DCDC2: variants seen among roughly 807,000 people sequenced by gnomAD.
DCDC2 encodes doublecortin domain-containing protein 2.
In DCDC2, 40 loss-of-function variants were observed where a neutral mutation model predicts 50.2. That is an observed-to-expected ratio of 0.80 (90% confidence interval 0.62 to 1.04). The LOEUF is 1.04. DCDC2 is among the 50% of genes least tolerant of loss of function. DCDC2 has a pLI of 0.00. For synonymous variants in DCDC2, 234 were observed against 210.6 expected (o/e 1.11, Z -0.96); for missense variants, 570 against 581.9 (o/e 0.98, Z 0.21).
chr6:24,380,949 G>C, the DCDC2 span, among the ~76,000 whole-genome samples: 1 of 152,158 alleles, frequency 6.6e-6, no homozygotes, highest in South Asian at 2.1e-4. Context: ...CAGGTGTGGT[G>C]GTGTGGGCCT....
upstream of DCDC2, among the ~76,000 whole-genome samples, chr6:24,359,478 T>TA (rs1305546421): frequency 7.8e-3 from 49 of 6,282 alleles, 1 homozygote; most frequent in South Asian, 0.028. Flanking sequence ...ATAATATATA[T>TA]TTTATATATA....
chr6:24,201,443 T>C (rs928768924), intron 8 of DCDC2, among the ~76,000 whole-genome samples: 1 of 152,038 alleles, frequency 6.6e-6, no homozygotes, highest in African/African-American at 2.4e-5. Context: ...AAATAAGCAA[T>C]TTGAAACCAA....
At chr6:24,288,391 T>C (rs1471835224) in intron 6 of DCDC2, among the ~76,000 whole-genome samples, 1 of 152,194 alleles carries the variant, frequency 6.6e-6, no homozygotes, top group Non-Finnish European at 1.5e-5. Flanking sequence ...TAACAAACCA[T>C]GAATAAATGA....
At chr6:24,273,364 C>A (rs1202237520) in intron 7 of DCDC2, among the ~76,000 whole-genome samples, 1 of 152,092 alleles carries the variant, frequency 6.6e-6, no homozygotes, top group Admixed American at 6.5e-5. Context: ...ACACTAAAAG[C>A]CTGGACTTCA....
chr6:24,288,646 A>G (rs1156994647), intron 6 of DCDC2, among the ~76,000 whole-genome samples: 2 of 152,214 alleles, frequency 1.3e-5, no homozygotes, highest in Non-Finnish European at 2.9e-5. Flanking sequence ...CAAGGAAAAA[A>G]TTTTAAAATA....
intron 7 of DCDC2, among the ~76,000 whole-genome samples, chr6:24,246,197 A>C (rs1762667236): frequency 6.6e-6 from 1 of 152,148 alleles, no homozygotes; most frequent in Admixed American, 6.5e-5. Flanking sequence ...ACAAATAAAC[A>C]TGAGAGATCA....
intron 7 of DCDC2, among the ~76,000 whole-genome samples, chr6:24,220,891 T>TGAGCGAGCGAGAGAGTGAGC (rs1762094902): frequency 2.0e-5 from 2 of 98,970 alleles, no homozygotes; most frequent in Non-Finnish European, 4.4e-5. Context: ...AGCGAGAGAG[T>TGAGCGAGCGAGAGAGTGAGC]GAGCGAGCGA....
chr6:24,370,015 G>A, the DCDC2 span, among the ~76,000 whole-genome samples: 1 of 152,104 alleles, frequency 6.6e-6, no homozygotes, highest in Non-Finnish European at 1.5e-5. Context: ...CTGCCCTGCA[G>A]CCTGAGTGGC....
At chr6:24,367,495 C>T in the DCDC2 span, among the ~76,000 whole-genome samples, 1 of 152,124 alleles carries the variant, frequency 6.6e-6, no homozygotes, top group Admixed American at 6.5e-5. Flanking sequence ...TGCTAAAGGC[C>T]GAGGTGGGAG....
At chr6:24,273,009 T>C (rs796547140) in intron 7 of DCDC2, among the ~76,000 whole-genome samples, 2 of 149,456 alleles carry the variant, frequency 1.3e-5, no homozygotes, top group African/African-American at 2.4e-5. Flanking sequence ...TATAAAGACA[T>C]ACACACACAC....
intron 8 of DCDC2, among the ~76,000 whole-genome samples, chr6:24,179,547 C>CAAAAAAAAAAAAA (rs56731018): frequency 4.0e-5 from 2 of 49,574 alleles, no homozygotes; most frequent in Non-Finnish European, 6.5e-5. Context: ...GACACCATCT[C>CAAAAAAAAAAAAA]AAAAAAAAAA....
At chr6:24,274,059 A>G (rs868668810) in intron 7 of DCDC2, among the ~76,000 whole-genome samples, 22 of 152,370 alleles carry the variant, frequency 1.4e-4, no homozygotes, top group African/African-American at 4.3e-4. Flanking sequence ...AGCCACATCC[A>G]TCAAAAGAAT....
In DCDC2 at chr6:24,281,487, G is replaced by GAAAAA. The variant is rs59842458; in HGVS notation, c.760-3281_760-3277dup. ...ACTGCACCCAGCTAAATGCTTTTAA[G>GAAAAA]AAAAAAAAAAAAAAAAAAAAAAGGA... On this transcript the variant is annotated intron_variant, in intron 6 of 9. Coordinates refer to ENST00000378454, the MANE Select transcript of DCDC2 (RefSeq NM_016356.5). 9.1e-3 allele frequency among the ~76,000 whole-genome samples: 762 copies of GAAAAA among 83,716 alleles called. 5 individuals carry two copies. Among genetic ancestry groups the GAAAAA allele is most frequent in the Middle Eastern group, 0.046 (5 of 108 alleles). 54.9% of individuals were successfully genotyped at this position (83,716 alleles called of 152,430 possible). A position where few individuals can be genotyped will look rare whatever the true frequency, so the allele number is the denominator to read the frequency against.
chr6:24,225,745 T>C (rs1241701616), intron 7 of DCDC2, among the ~76,000 whole-genome samples: 4 of 152,206 alleles, frequency 2.6e-5, no homozygotes, highest in South Asian at 2.1e-4. Context: ...CCTGAGACTA[T>C]AGCTCTTTGA....
At chr6:24,210,288 G>C (rs185805112) in intron 7 of DCDC2, among the ~76,000 whole-genome samples, 2 of 151,936 alleles carry the variant, frequency 1.3e-5, no homozygotes, top group African/African-American at 2.4e-5. Flanking sequence ...ATTCAGCCTT[G>C]ACCTCTTTAT....
intron 7 of DCDC2, among the ~76,000 whole-genome samples, chr6:24,245,218 T>C (rs1413856536): frequency 1.3e-5 from 2 of 152,074 alleles, no homozygotes; most frequent in Non-Finnish European, 2.9e-5. Flanking sequence ...ATAGCTGAGC[T>C]CAAAAGAAAG....
chr6:24,206,013 T>C (rs774276201), intron 7 of DCDC2, among the ~76,000 whole-genome samples: 9 of 152,198 alleles, frequency 5.9e-5, no homozygotes, highest in Non-Finnish European at 1.0e-4. Context: ...CTAGAAAATA[T>C]ATTTTTATCT....
At chr6:24,329,714 A>C in intron 2 of DCDC2, among the ~76,000 whole-genome samples, 1 of 152,200 alleles carries the variant, frequency 6.6e-6, no homozygotes, top group East Asian at 1.9e-4. Flanking sequence ...AATTCAAGGA[A>C]TCCATGAGAT....
At chr6:24,289,202 C>T (rs887737319) in intron 5 of DCDC2, among the ~76,000 whole-genome samples, 1 of 152,126 alleles carries the variant, frequency 6.6e-6, no homozygotes, top group Non-Finnish European at 1.5e-5. Context: ...CCAAAGTGTC[C>T]TATTTGCATT....
Sources: allele counts gnomAD v4.1 joint callset (sites outside exome capture counted in the v4.1 genomes callset), GRCh38; gene constraint gnomAD v4.1.1; transcripts MANE v1.5; gene names NCBI Gene and HGNC (gene_info 2026-07-23, HGNC 2026-07-21).